The following LY6E variants were observed in gnomAD, a reference collection of about 807,000 sequenced individuals.
LY6E encodes lymphocyte antigen 6E.
LY6E carries 4 observed loss-of-function variants against 7.7 expected under a neutral mutation model. The ratio of observed to expected loss-of-function variants is 0.52; its 90% CI spans 0.25 to 1.18. The LOEUF (loss-of-function observed/expected upper bound fraction) is 1.18, where lower values mean the gene tolerates loss of function less well. Among genes scored for constraint, LY6E ranks in the 50% most tolerant of loss-of-function variants. The pLI is 0.14. For missense variants in LY6E, 156 were observed against 168.0 expected (o/e 0.93, Z 0.40); for synonymous variants, 81 against 80.1 (o/e 1.01, Z -0.06).
rs886653005 is a variant in LY6E at position 143,022,190 on chromosome 8, TG to T, written c.*405del. 4 of 227,472 alleles carry T rather than the reference TG, an allele frequency of 1.8e-5. No homozygotes were observed. The highest frequency in any genetic ancestry group is 6.8e-5 in the African/African-American group (3 of 43,964). 14.1% of individuals were successfully genotyped at this position (227,472 alleles called of 1,614,324 possible). On this transcript the variant is annotated 3_prime_UTR_variant, in exon 4 of 4. Coordinates refer to ENST00000292494, the MANE Select transcript of LY6E (RefSeq NM_002346.3). ...CGTGGCGGCTTCTGGGGGCCATGTT[TG>T]GGGAGGGAGGTGTGCCAGCAGCCTG...
intron 1 of LY6E, among the ~76,000 whole-genome samples, chr8:143,019,831 C>T (rs906557066): frequency 6.6e-6 from 1 of 152,218 alleles, no homozygotes; most frequent in African/African-American, 2.4e-5. Context: ...CAGCAGCCTC[C>T]CCCTCCAACA....
Position 143,019,765 on chromosome 8 carries a change from C to A in LY6E, c.-57-1118C>A, listed in dbSNP as rs545036160. On this transcript the variant is annotated intron_variant, in intron 1 of 3. Coordinates refer to ENST00000292494, the MANE Select transcript of LY6E (RefSeq NM_002346.3). ...TACCCCCAGTGCCCAGCACTAGCTCCCCAGGCCCGGGATGTCCCTCCCACT... is the reference window on the plus strand; with the variant it reads ...TACCCCCAGTGCCCAGCACTAGCTCACCAGGCCCGGGATGTCCCTCCCACT... Among the ~76,000 whole-genome samples, 186 of 152,342 alleles carry A rather than the reference C, an allele frequency of 1.2e-3. No homozygotes were observed. In the Middle Eastern group the frequency reaches 0.014, roughly 11 times the overall value.
intron 2 of LY6E, 115 bp downstream of exon 2, chr8:143,021,106 G>A: frequency 7.5e-7 from 1 of 1,325,452 alleles, no homozygotes; most frequent in Non-Finnish European, 1.1e-6. Flanking sequence ...GCTCCCAGCA[G>A]AGGGCTCACC....
At chr8:143,021,209 G>A in intron 2 of LY6E, 105 bp from the exon 3 acceptor site, 1 of 1,495,834 alleles carries the variant, frequency 6.7e-7, no homozygotes, top group Non-Finnish European at 9.0e-7. Flanking sequence ...TCTGCCTTCA[G>A]CCCAGGGCCT....
chr8:143,019,773 C>T (rs1030179609), intron 1 of LY6E, among the ~76,000 whole-genome samples: 9 of 152,208 alleles, frequency 5.9e-5, no homozygotes, highest in African/African-American at 9.6e-5. Flanking sequence ...TCCCCAGGCC[C>T]GGGATGTCCC....
intron 1 of LY6E, 50 bp from the exon 2 acceptor site, chr8:143,020,833 T>G (rs1819201101): frequency 1.0e-6 from 1 of 995,346 alleles, no homozygotes. Context: ...TGCATGGTCT[T>G]GGGGAGGAGT....
intron 1 of LY6E, chr8:143,020,257 G>A (rs1254245422): frequency 6.6e-6 from 1 of 152,232 alleles, no homozygotes; most frequent in Non-Finnish European, 1.5e-5. Context: ...TTTTTTTTGA[G>A]ACAGGGTCTC....
rs1169537941 is a variant in LY6E, at chr8:143,022,356, A to G, written c.*567A>G. The G allele has an allele frequency of 6.4e-6, 1 of 156,450 alleles. No homozygotes were observed. The highest frequency in any genetic ancestry group is 1.4e-5 in the Non-Finnish European group (1 of 71,050). The allele number at this position is 156,450 out of a possible 1,614,324, so 9.7% of individuals were successfully genotyped here. A position where few individuals can be genotyped will look rare whatever the true frequency, so the allele number is the denominator to read the frequency against. On this transcript the variant is annotated 3_prime_UTR_variant, in exon 4 of 4. Coordinates refer to ENST00000292494, the MANE Select transcript of LY6E (RefSeq NM_002346.3). Reference sequence around the variant, plus strand: ...GCCAGTCCTGCCCCAGCCCACCCCCACATTGGAGCCCTCCTGCTGCTTTGG... The same window carrying G: ...GCCAGTCCTGCCCCAGCCCACCCCCGCATTGGAGCCCTCCTGCTGCTTTGG...
chr8:143,019,502 C>A (rs550750412), intron 1 of LY6E, among the ~76,000 whole-genome samples: 247 of 152,330 alleles, frequency 1.6e-3, no homozygotes, highest in African/African-American at 5.5e-3. Flanking sequence ...GGGACCCCCC[C>A]ACACCAGAAC....
intron 1 of LY6E, chr8:143,019,194 C>G (rs1819148842): frequency 6.6e-6 from 1 of 152,324 alleles, no homozygotes; most frequent in South Asian, 2.1e-4. Context: ...GGAGAGGCTC[C>G]CGCCCCTTGC....
chr8:143,019,323 C>T (rs1819153391), intron 1 of LY6E, among the ~76,000 whole-genome samples: 1 of 152,214 alleles, frequency 6.6e-6, no homozygotes, highest in Admixed American at 6.5e-5. Flanking sequence ...CGGCTGGCTC[C>T]CTCCGGGCTC....
At chr8:143,018,659 T>G (rs998900388) in intron 1 of LY6E, 73 bp downstream of exon 1, 1 of 151,242 alleles carries the variant, frequency 6.6e-6, no homozygotes, top group African/African-American at 2.4e-5. Flanking sequence ...CGGCCTCGGC[T>G]GCGGTGCACG....
rs988805298 is a variant in LY6E, at chr8:143,021,858, T to C, written c.*69T>C. The C allele has an allele frequency of 1.4e-6, 2 of 1,388,404 alleles. No homozygotes were observed. Among genetic ancestry groups the C allele is most frequent in the Admixed American group, 2.1e-5 (1 of 47,918 alleles). The allele number at this position is 1,388,404 out of a possible 1,614,324, so 86.0% of individuals were successfully genotyped here. On this transcript the variant is annotated 3_prime_UTR_variant, in exon 4 of 4. Coordinates refer to ENST00000292494, the MANE Select transcript of LY6E (RefSeq NM_002346.3). Reference sequence around the variant, plus strand: ...GCCCAGCCCTTTCTGGATCCCACAGTGTATGGGAGCCCCTGACTCCTCACG... The same window carrying C: ...GCCCAGCCCTTTCTGGATCCCACAGCGTATGGGAGCCCCTGACTCCTCACG...
Position 143,021,808 on chromosome 8 carries a change from C to A in LY6E, c.*19C>A. On this transcript the variant is annotated 3_prime_UTR_variant, in exon 4 of 4. Coordinates refer to ENST00000292494, the MANE Select transcript of LY6E (RefSeq NM_002346.3). Reference sequence around the variant, plus strand: ...CCCCTGACCGCCCAGACCCTGTCCCCCGATCCCCCAGCTCAGGAAGGAAAG... The same window carrying A: ...CCCCTGACCGCCCAGACCCTGTCCCACGATCCCCCAGCTCAGGAAGGAAAG... The A allele has an allele frequency of 6.3e-7, 1 of 1,578,624 alleles. No homozygotes were observed. The highest frequency in any genetic ancestry group is 8.6e-7 in the Non-Finnish European group (1 of 1,165,186).
At chr8:143,019,909 G>A (rs1819175683) in intron 1 of LY6E, among the ~76,000 whole-genome samples, 1 of 152,234 alleles carries the variant, frequency 6.6e-6, no homozygotes, top group South Asian at 2.1e-4. Flanking sequence ...CTCCAGCAGT[G>A]CAGAGGGTCC....
At chr8:143,018,958 C>T (rs1262026331) in intron 1 of LY6E, 1 of 152,238 alleles carries the variant, frequency 6.6e-6, no homozygotes, top group Non-Finnish European at 1.5e-5. Context: ...GCTCCTGGCT[C>T]CTCTACGTGG....
chr8:143,019,297 G>GC (rs1207057724), intron 1 of LY6E, among the ~76,000 whole-genome samples: 1 of 152,170 alleles, frequency 6.6e-6, no homozygotes, highest in Non-Finnish European at 1.5e-5. Flanking sequence ...CCCCAGGGGC[G>GC]CCCCCCACGG....
intron 2 of LY6E, 71 bp from the exon 3 acceptor site, chr8:143,021,243 A>G (rs1819211491): frequency 1.9e-6 from 3 of 1,567,800 alleles, no homozygotes; most frequent in South Asian, 2.4e-5. Flanking sequence ...TTCTCAGTAA[A>G]TGTCCACTGG....
At chr8:143,019,767 C>G (rs1819171147) in intron 1 of LY6E, among the ~76,000 whole-genome samples, 2 of 152,218 alleles carry the variant, frequency 1.3e-5, no homozygotes, top group African/African-American at 4.8e-5. Flanking sequence ...ACTAGCTCCC[C>G]AGGCCCGGGA....
Sources: gnomAD v4.1 joint callset for allele counts (sites outside exome capture counted in the v4.1 genomes callset) on GRCh38, gnomAD v4.1.1 for gene constraint, MANE v1.5 for transcripts, NCBI Gene and HGNC (gene_info 2026-07-23, HGNC 2026-07-21) for gene names.